OR9Q1: variants seen among roughly 807,000 people sequenced by gnomAD.
OR9Q1 encodes the protein olfactory receptor 9Q1.
For missense variants in OR9Q1, 374 were observed against 378.8 expected (o/e 0.99, Z 0.11); for synonymous variants, 153 against 148.6 (o/e 1.03, Z -0.22).
intron 2 of OR9Q1, among the ~76,000 whole-genome samples, chr11:58,095,305 G>A (rs117309495): frequency 0.035 from 5,292 of 152,322 alleles, 127 homozygotes; most frequent in Non-Finnish European, 0.05. Context: ...CCAGGTGGCT[G>A]CTAGGAGCAG....
chr11:58,133,778 C>T (rs886344861), intron 2 of OR9Q1, among the ~76,000 whole-genome samples: 7 of 152,164 alleles, frequency 4.6e-5, no homozygotes, highest in African/African-American at 1.4e-4. Flanking sequence ...AATGATTCAG[C>T]ATGACGCCAT....
chr11:58,123,376 A>G (rs1207216963), intron 2 of OR9Q1, among the ~76,000 whole-genome samples: 1 of 152,182 alleles, frequency 6.6e-6, no homozygotes, highest in Non-Finnish European at 1.5e-5. Context: ...AAATTGTTGT[A>G]GGTCATATTA....
intron 2 of OR9Q1, chr11:58,118,747 C>T (rs1411444521): frequency 1.2e-6 from 2 of 1,614,018 alleles, no homozygotes; most frequent in African/African-American, 1.3e-5. Context: ...CTTGGCCCTG[C>T]CACCTGAAGA....
intron 2 of OR9Q1, among the ~76,000 whole-genome samples, chr11:58,174,717 T>A (rs1053483139): frequency 1.3e-5 from 2 of 150,612 alleles, no homozygotes; most frequent in African/African-American, 4.9e-5. Flanking sequence ...TTAGAGAAAA[T>A]TTTTCCCTTT....
chr11:58,160,955 G>A (rs1854451439), intron 2 of OR9Q1, among the ~76,000 whole-genome samples: 1 of 152,096 alleles, frequency 6.6e-6, no homozygotes, highest in Admixed American at 6.5e-5. Context: ...TGGGAACTTG[G>A]AAGTGAATGG....
chr11:58,046,325 G>T (rs1215446118), intron 1 of OR9Q1, among the ~76,000 whole-genome samples: 1 of 152,154 alleles, frequency 6.6e-6, no homozygotes, highest in Non-Finnish European at 1.5e-5. Flanking sequence ...ATAGTCATGG[G>T]AATAAAAAAC....
rs75126969 is a variant in OR9Q1 at position 58,031,031 on chromosome 11, C to T, written c.-93+6927C>T. 1,693 of 1,613,990 alleles carry T rather than the reference C, an allele frequency of 1.0e-3. 5 individuals are homozygous for T. Among genetic ancestry groups the T allele is most frequent in the Middle Eastern group, 4.8e-3 (29 of 6,062 alleles). On this transcript the variant is annotated intron_variant, in intron 1 of 2. Transcript: ENST00000335397. Reference sequence around the variant, plus strand: ...CTTTGCTGGCATCCATGAAGCACACCTCCTCTTCTTCATACTCTTCCTCAC... The same window carrying T: ...CTTTGCTGGCATCCATGAAGCACACTTCCTCTTCTTCATACTCTTCCTCAC...
chr11:58,159,613 A>G (rs1854439456), intron 2 of OR9Q1, among the ~76,000 whole-genome samples: 1 of 152,214 alleles, frequency 6.6e-6, no homozygotes, highest in Non-Finnish European at 1.5e-5. Context: ...AGCACAGGGA[A>G]AGAATATTTT....
chr11:58,073,222 C>A (rs868016833), intron 2 of OR9Q1: 4 of 235,322 alleles, frequency 1.7e-5, no homozygotes, highest in Non-Finnish European at 3.8e-5. Flanking sequence ...TAAAGTGTCT[C>A]ATTTTGACAG....
intron 2 of OR9Q1, among the ~76,000 whole-genome samples, chr11:58,071,071 C>A (rs1853482652): frequency 6.6e-6 from 1 of 152,164 alleles, no homozygotes; most frequent in South Asian, 2.1e-4. Flanking sequence ...TTTCCAGGGG[C>A]CTAAGATGCT....
chr11:58,035,826 A>G (rs907096726), intron 1 of OR9Q1, among the ~76,000 whole-genome samples: 9 of 127,136 alleles, frequency 7.1e-5, no homozygotes, highest in Non-Finnish European at 1.2e-4. Context: ...ATGCAAAAAC[A>G]ATGCAGAGGT....
chr11:58,057,241 C>T (rs79684431), intron 2 of OR9Q1, among the ~76,000 whole-genome samples: 4,016 of 152,168 alleles, frequency 0.026, 72 homozygotes, highest in East Asian at 0.06. Context: ...GATCCACCTG[C>T]TTCCCAAAGT....
intron 2 of OR9Q1, among the ~76,000 whole-genome samples, chr11:58,176,388 T>G (rs1440659959): frequency 6.6e-6 from 1 of 152,232 alleles, no homozygotes; most frequent in Non-Finnish European, 1.5e-5. Flanking sequence ...GAAACCTACA[T>G]GTGCAATAAT....
intron 2 of OR9Q1, chr11:58,119,059 G>T: frequency 6.2e-7 from 1 of 1,613,996 alleles, no homozygotes; most frequent in Non-Finnish European, 8.5e-7. Flanking sequence ...ATAGAGCAGT[G>T]GGTTGCGAAT....
rs545267700 is a variant in OR9Q1 at position 58,121,283 on chromosome 11, C to G, written c.-14-58148C>G. ...TGCCATATGGTACAGATTTGAGTCA[C>G]CTCGTAATACTGCATAATACCATGT... On this transcript the variant is annotated intron_variant, in intron 2 of 2. Transcript: ENST00000335397. Among the ~76,000 whole-genome samples, 76 of 152,290 alleles carry G rather than the reference C, an allele frequency of 5.0e-4. 1 individual carries two copies. The highest frequency in any genetic ancestry group is 1.8e-3 in the African/African-American group (75 of 41,566).
intron 2 of OR9Q1, among the ~76,000 whole-genome samples, chr11:58,130,792 G>A (rs776548811): frequency 5.1e-4 from 76 of 150,216 alleles, no homozygotes; most frequent in Non-Finnish European, 8.4e-4. Flanking sequence ...AGGTGACAGA[G>A]TAAGACTGTC....
intron 2 of OR9Q1, among the ~76,000 whole-genome samples, chr11:58,177,247 T>G (rs1055474307): frequency 6.6e-6 from 1 of 152,240 alleles, no homozygotes; most frequent in African/African-American, 2.4e-5. Context: ...TAATTAATGA[T>G]GGACACCTTC....
chr11:58,175,550 T>C (rs150654247), intron 2 of OR9Q1, among the ~76,000 whole-genome samples: 17 of 152,324 alleles, frequency 1.1e-4, no homozygotes, highest in African/African-American at 4.1e-4. Flanking sequence ...ATTCCCATAA[T>C]ACTACTATTC....
intron 2 of OR9Q1, among the ~76,000 whole-genome samples, chr11:58,151,803 A>G (rs1854355400): frequency 6.6e-6 from 1 of 151,976 alleles, no homozygotes; most frequent in South Asian, 2.1e-4. Context: ...TGCACACAGA[A>G]TTACCCCAGG....
Sources: gnomAD v4.1 joint callset for allele counts (sites outside exome capture counted in the v4.1 genomes callset) on GRCh38, gnomAD v4.1.1 for gene constraint, MANE v1.5 for transcripts, NCBI Gene and HGNC (gene_info 2026-07-23, HGNC 2026-07-21) for gene names.